HSPA14: variants seen among roughly 807,000 people sequenced by gnomAD.
HSPA14 encodes heat shock protein family A (Hsp70) member 14.
A neutral mutation model predicts 65.5 loss-of-function variants in HSPA14; 37 were observed. The ratio of observed to expected loss-of-function variants is 0.56; its 90% CI spans 0.43 to 0.74. HSPA14 has a LOEUF of 0.74. HSPA14 is among the 30% of genes least tolerant of loss of function. The probability of loss-of-function intolerance (pLI) is 0.00; values close to 1 mark genes in which losing one functional copy is unlikely to be tolerated. For missense variants in HSPA14, 564 were observed against 607.6 expected (o/e 0.93, Z 0.75); for synonymous variants, 203 against 214.2 (o/e 0.95, Z 0.46).
At chr10:14,852,565 T>C (rs754225255) in intron 8 of HSPA14, 34 bp downstream of exon 8, 11 of 1,484,074 alleles carry the variant, frequency 7.4e-6, no homozygotes, top group Non-Finnish European at 9.1e-6. Context: ...TACCTTCTGA[T>C]TGAGGTTTTC....
chr10:14,868,942 G>A (rs1362651057), intron 12 of HSPA14, among the ~76,000 whole-genome samples: 1 of 152,094 alleles, frequency 6.6e-6, no homozygotes, highest in Non-Finnish European at 1.5e-5. Flanking sequence ...CGCCTCCCAG[G>A]TTCATGCCAT....
chr10:14,839,017 C>T (rs1411490958), intron 1 of HSPA14, among the ~76,000 whole-genome samples: 1 of 152,176 alleles, frequency 6.6e-6, no homozygotes, highest in East Asian at 1.9e-4. Context: ...CGTCTAGGTC[C>T]CGGAGGGGCG....
intron 10 of HSPA14, 44 bp from the exon 11 acceptor site, chr10:14,867,039 A>G (rs369760506): frequency 2.2e-6 from 3 of 1,394,012 alleles, no homozygotes; most frequent in Admixed American, 3.4e-5. Flanking sequence ...GAGACACAGC[A>G]TTCTTCTAAA....
At chr10:14,854,571 G>C (rs138057320) in intron 9 of HSPA14, among the ~76,000 whole-genome samples, 33 of 152,296 alleles carry the variant, frequency 2.2e-4, no homozygotes, top group African/African-American at 7.2e-4. Context: ...AAGGGAGGAC[G>C]TGCTGTAGTC....
chr10:14,846,569 A>G (rs1358996602), intron 3 of HSPA14: 2 of 984,162 alleles, frequency 2.0e-6, no homozygotes, highest in Non-Finnish European at 2.4e-6. Flanking sequence ...AGACCCAACC[A>G]TTACTACTTG....
Position 14,849,750 on chromosome 10 carries a change from G to A in HSPA14, c.406G>A (p.Ala136Thr). ...GGCACATTCTGTATTGGGCTCAGATGCAAATGATGTAGTTATTACTGTCCC... is the reference window on the plus strand; with the variant it reads ...GGCACATTCTGTATTGGGCTCAGATACAAATGATGTAGTTATTACTGTCCC... ...ETAHSVLGSD[A>T]NDVVITVPFD... Residue 136 changes from alanine to threonine, a missense_variant, in exon 6 of 14, where the codon GCA (alanine) becomes ACA (threonine). Transcript: ENST00000378372. 2 of 1,612,842 alleles carry A rather than the reference G, an allele frequency of 1.2e-6. No homozygotes were observed. Among genetic ancestry groups the A allele is most frequent in the South Asian group, 1.1e-5 (1 of 90,746 alleles).
Position 14,842,074 on chromosome 10 carries a change from T to C in HSPA14, c.221+1917T>C. The C allele has an allele frequency of 7.6e-7, 1 of 1,317,140 alleles. No homozygotes were observed. Among genetic ancestry groups the C allele is most frequent in the Non-Finnish European group, 1.0e-6 (1 of 952,514 alleles). 81.6% of individuals were successfully genotyped at this position (1,317,140 alleles called of 1,614,324 possible). A position where few individuals can be genotyped will look rare whatever the true frequency, so the allele number is the denominator to read the frequency against. On this transcript the variant is annotated intron_variant, in intron 3 of 13. Transcript: ENST00000378372. This position sits in a 1 kb window ranked among gnomAD's most constrained non-coding sequence, Gnocchi z 5.2. ...CTACTCACAGGTAGCACCACTTAAC[T>C]TGCTGCCAAAATTATCCTTACACCC...
At position 14,871,607 on chromosome 10, in the gene HSPA14, T is replaced by G; in HGVS notation, c.*1T>G. The G allele has an allele frequency of 5.3e-6, 8 of 1,522,914 alleles. No individual in the cohort carries two copies. Among genetic ancestry groups the G allele is most frequent in the Non-Finnish European group, 7.2e-6 (8 of 1,111,482 alleles). 94.3% of individuals were successfully genotyped at this position (1,522,914 alleles called of 1,614,324 possible). On this transcript the variant is annotated 3_prime_UTR_variant, in exon 14 of 14. Transcript: ENST00000378372. ...AATCTCTATTGAGATAGCATCTTAG[T>G]GTTTTAGAGAAATCAAGAATTTTTA...
chr10:14,842,054 C>A lies in HSPA14; in HGVS notation c.221+1897C>A. On this transcript the variant is annotated intron_variant, in intron 3 of 13. Transcript: ENST00000378372. The surrounding 1 kb of genome is among the most constrained non-coding windows in gnomAD (Gnocchi z 5.2). The stretch of plus-strand genomic sequence containing the variant: ...GCCTCATGCCTGTTTATGACCTACT[C>A]ACAGGTAGCACCACTTAACTTGCTG... 9.6e-7 allele frequency: 1 copy of A among 1,038,584 alleles called. No individual in the cohort carries two copies. The highest frequency in any genetic ancestry group is 1.4e-6 in the Non-Finnish European group (1 of 704,204). The allele number at this position is 1,038,584 out of a possible 1,614,324, so 64.3% of individuals were successfully genotyped here.
rs368667443 is a variant in HSPA14, at chr10:14,854,186, G to A, written c.796G>A (p.Glu266Lys). The A allele has an allele frequency of 5.6e-6, 9 of 1,613,524 alleles. No individual in the cohort carries two copies. The African/African-American group carries it at 1.1e-4, about 19-fold the overall frequency. ...RAMMKLTNSA[E>K]VAKHSLSTLG... ...CATGATGAAATTAACGAACAGTGCT[G>A]AAGTAGCGAAACATTCTTTGTCAAC... Residue 266 changes from glutamate to lysine, a missense_variant, in exon 9 of 14, where the codon GAA becomes AAA. By Grantham distance (56) the Glu-to-Lys change is moderately conservative. Coordinates refer to ENST00000378372, the MANE Select transcript of HSPA14 (RefSeq NM_016299.4).
At position 14,856,579 on chromosome 10, in the gene HSPA14, G is replaced by C. The variant is rs1030776122; in HGVS notation, c.993+636G>C. ...CATACTCTTTTTATACATTTAAAAT[G>C]AGCCAGGTGCGATGGCTCAAGCCTG... On this transcript the variant is annotated intron_variant, in intron 10 of 13. Coordinates refer to ENST00000378372, the MANE Select transcript of HSPA14 (RefSeq NM_016299.4). 2.0e-5 allele frequency among the ~76,000 whole-genome samples: 3 copies of C among 151,918 alleles called. 1 individual carries two copies. The highest frequency in any genetic ancestry group is 4.8e-5 in the African/African-American group (2 of 41,332).
intron 3 of HSPA14, chr10:14,844,858 T>C: frequency 1.0e-6 from 1 of 985,460 alleles, no homozygotes; most frequent in East Asian, 1.1e-4. Context: ...GCTTTTTAGC[T>C]GATTTCATTC....
At position 14,870,251 on chromosome 10, in the gene HSPA14, G is replaced by A. The variant is rs141772364; in HGVS notation, c.1381-346G>A. Among the ~76,000 whole-genome samples the A allele has an allele frequency of 6.6e-3, 1,001 of 151,632 alleles. 9 individuals are homozygous for A. Among genetic ancestry groups the A allele is most frequent in the African/African-American group, 0.023 (949 of 41,294 alleles). The stretch of plus-strand genomic sequence containing the variant: ...GAAAGCTAGCCAAATTATAATTTGC[G>A]TGTTACTGGGAATGGCTTACTTACC... On this transcript the variant is annotated intron_variant, in intron 12 of 13. Coordinates refer to ENST00000378372, the MANE Select transcript of HSPA14 (RefSeq NM_016299.4).
At chr10:14,857,035 C>A (rs1295943124) in intron 10 of HSPA14, among the ~76,000 whole-genome samples, 1 of 151,994 alleles carries the variant, frequency 6.6e-6, no homozygotes, top group African/African-American at 2.4e-5. Flanking sequence ...AATAACAGTT[C>A]TAATTCTGTA....
At chr10:14,845,281 A>G (rs1834034804) in intron 3 of HSPA14, 3 of 985,280 alleles carry the variant, frequency 3.0e-6, no homozygotes, top group South Asian at 4.7e-5. Flanking sequence ...GGATTTAAAA[A>G]GTTTTCCAAT....
intron 10 of HSPA14, among the ~76,000 whole-genome samples, chr10:14,862,438 G>A (rs188612491): frequency 1.4e-5 from 2 of 142,696 alleles, no homozygotes. Flanking sequence ...GCAGTGACAC[G>A]ATCTCAGCTC....
intron 7 of HSPA14, among the ~76,000 whole-genome samples, chr10:14,851,870 C>G (rs1834110997): frequency 6.6e-6 from 1 of 152,096 alleles, no homozygotes; most frequent in Non-Finnish European, 1.5e-5. Flanking sequence ...ATTCGTATCT[C>G]CTAGTTAAGC....
At chr10:14,865,449 G>A (rs1832796981) in intron 10 of HSPA14, among the ~76,000 whole-genome samples, 1 of 151,988 alleles carries the variant, frequency 6.6e-6, no homozygotes, top group African/African-American at 2.4e-5. Flanking sequence ...GGTTTTTATG[G>A]TTTTAGGTCT....
At chr10:14,844,005 A>G in intron 3 of HSPA14, 11 of 1,467,384 alleles carry the variant, frequency 7.5e-6, no homozygotes, top group Non-Finnish European at 9.8e-6. Flanking sequence ...ACATGGATGA[A>G]CCATTTATAT....
Sources: gnomAD v4.1 joint callset for allele counts (sites outside exome capture counted in the v4.1 genomes callset) on GRCh38, gnomAD v4.1.1 for gene constraint, Gnocchi (gnomAD v3.1) non-coding constraint, MANE v1.5 for transcripts, NCBI Gene and HGNC (gene_info 2026-07-23, HGNC 2026-07-21) for gene names.